The following CRABP1 variants were observed in gnomAD, a reference collection of about 807,000 sequenced individuals.
CRABP1 encodes the protein cellular retinoic acid binding protein 1.
CRABP1 carries 9 observed loss-of-function variants against 16.4 expected under a neutral mutation model. The ratio of observed to expected loss-of-function variants is 0.55; its 90% CI spans 0.33 to 0.96. The LOEUF is 0.96. Ranked by LOEUF, CRABP1 falls within the 40% of genes least tolerant of loss-of-function variation. CRABP1 has a pLI of 0.03. For synonymous variants in CRABP1, 72 were observed against 70.4 expected (o/e 1.02, Z -0.11); for missense variants, 157 against 186.0 (o/e 0.84, Z 0.91).
At chr15:78,343,706 A>T in intron 3 of CRABP1, 94 bp downstream of exon 3, 1 of 829,776 alleles carries the variant, frequency 1.2e-6, no homozygotes, top group Non-Finnish European at 1.9e-6. Flanking sequence ...TCGGCCGTTC[A>T]GAGAAAGACA....
chr15:78,341,074 A>G lies in CRABP1; in HGVS notation c.102A>G (p.Val34=), dbSNP rs1343768160. 6.2e-7 allele frequency: 1 copy of G among 1,610,504 alleles called. No individual in the cohort carries two copies. Among genetic ancestry groups the G allele is most frequent in the Non-Finnish European group, 8.5e-7 (1 of 1,179,794 alleles). Residue 34 remains valine, a synonymous_variant, in exon 2 of 4, where the codon GTA becomes GTG. Coordinates refer to ENST00000299529, the MANE Select transcript of CRABP1 (RefSeq NM_004378.3). This position sits in a 1 kb window ranked among gnomAD's most constrained non-coding sequence, Gnocchi z 5.3. ...GVNAMLRKVA[V]AAASKPHVEI... ...ACGCCATGCTGAGGAAAGTGGCCGT[A>G]GCGGCTGCGTCCAAGCCGCACGTGG...
Position 78,341,859 on chromosome 15 carries a change from T to C in CRABP1, c.249+638T>C, listed in dbSNP as rs975819474. The C allele has an allele frequency of 2.6e-5, 4 of 154,952 alleles. No individual in the cohort carries two copies. In the East Asian group the frequency reaches 7.7e-4, roughly 30 times the overall value. 9.6% of individuals were successfully genotyped at this position (154,952 alleles called of 1,614,324 possible). A position where few individuals can be genotyped will look rare whatever the true frequency, so the allele number is the denominator to read the frequency against. On this transcript the variant is annotated intron_variant, in intron 2 of 3. Coordinates refer to ENST00000299529, the MANE Select transcript of CRABP1 (RefSeq NM_004378.3). This position sits in a 1 kb window ranked among gnomAD's most constrained non-coding sequence, Gnocchi z 5.3. ...ATTTCTCCATGCATCGGCCCAGGGA[T>C]GAACCGGTGGATTGAAGCAAGGGGT...
chr15:78,340,994 G>A (rs1252033866), intron 1 of CRABP1, 49 bp from the exon 2 acceptor site: 1 of 1,567,456 alleles, frequency 6.4e-7, no homozygotes, highest in Non-Finnish European at 8.6e-7. Flanking sequence ...CCGGTCCCGA[G>A]ACTGGCGGCG....
chr15:78,343,435 T>C, intron 2 of CRABP1, 64 bp from the exon 3 acceptor site: 13 of 1,273,826 alleles, frequency 1.0e-5, no homozygotes, highest in Middle Eastern at 3.7e-4. Context: ...TCAATGCTCA[T>C]TGTTGTCCCT....
chr15:78,344,230 G>A (rs778809548), intron 3 of CRABP1, among the ~76,000 whole-genome samples: 1 of 152,154 alleles, frequency 6.6e-6, no homozygotes, highest in African/African-American at 2.4e-5. Context: ...GGGGGCCAAA[G>A]CGGGTGGATC....
chr15:78,344,278 T>C (rs1302324728), intron 3 of CRABP1, among the ~76,000 whole-genome samples: 1 of 152,086 alleles, frequency 6.6e-6, no homozygotes, highest in African/African-American at 2.4e-5. Context: ...CTGATCAATA[T>C]GGAGAAACCC....
At chr15:78,347,155 C>A (rs1442945586) in intron 3 of CRABP1, among the ~76,000 whole-genome samples, 1 of 152,110 alleles carries the variant, frequency 6.6e-6, no homozygotes, top group Non-Finnish European at 1.5e-5. Flanking sequence ...TGTCCTCCTC[C>A]ATCTGTGCAA....
Position 78,340,423 on chromosome 15 carries a change from G to C in CRABP1, c.-6G>C, listed in dbSNP as rs982780008. The C allele has an allele frequency of 6.3e-7, 1 of 1,592,048 alleles. No individual in the cohort carries two copies. The highest frequency in any genetic ancestry group is 8.5e-7 in the Non-Finnish European group (1 of 1,171,144). On this transcript the variant is annotated 5_prime_UTR_variant, in exon 1 of 4. Transcript: ENST00000299529. ...GTCCGTACCTGCCGCCGCCGCCACC[G>C]CCACCATGCCCAACTTCGCCGGCAC...
intron 3 of CRABP1, among the ~76,000 whole-genome samples, chr15:78,345,559 C>T (rs2050260749): frequency 1.3e-5 from 2 of 152,110 alleles, no homozygotes; most frequent in Admixed American, 1.3e-4. Context: ...TCAGTAGGAT[C>T]GGTTTGCTCT....
intron 2 of CRABP1, among the ~76,000 whole-genome samples, chr15:78,343,218 T>C (rs141709152): frequency 6.6e-6 from 1 of 152,192 alleles, no homozygotes; most frequent in African/African-American, 2.4e-5. Context: ...TTCCTAGAGA[T>C]GTAAAGCATG....
chr15:78,346,464 C>T (rs141837193), intron 3 of CRABP1, among the ~76,000 whole-genome samples: 2,542 of 152,098 alleles, frequency 0.017, 63 homozygotes, highest in African/African-American at 0.055. Context: ...GTCAGGAGTT[C>T]GAGACCAGCC....
At position 78,348,005 on chromosome 15, in the gene CRABP1, G is replaced by A. The variant is rs750873939; in HGVS notation, c.*28G>A. The A allele has an allele frequency of 6.2e-7, 1 of 1,611,502 alleles. No homozygotes were observed. Among genetic ancestry groups the A allele is most frequent in the Non-Finnish European group, 8.5e-7 (1 of 1,177,890 alleles). On this transcript the variant is annotated 3_prime_UTR_variant, in exon 4 of 4. Coordinates refer to ENST00000299529, the MANE Select transcript of CRABP1 (RefSeq NM_004378.3). ...GCAGCTGGCTTGCTCCTACTTTCAG[G>A]AAGGGATGCAGGCTCCCCTGAGGAA...
At chr15:78,343,743 C>G (rs1468493773) in intron 3 of CRABP1, 131 bp downstream of exon 3, 2 of 655,928 alleles carry the variant, frequency 3.0e-6, no homozygotes, top group African/African-American at 3.7e-5. Context: ...AAAATTAGAG[C>G]AGAAAACCCG....
chr15:78,342,220 G>A (rs950461131), intron 2 of CRABP1, among the ~76,000 whole-genome samples: 1 of 152,040 alleles, frequency 6.6e-6, no homozygotes, highest in South Asian at 2.1e-4. Flanking sequence ...ACGCTTGGAG[G>A]GGGTGGGATC....
chr15:78,341,249 C>G lies in CRABP1; in HGVS notation c.249+28C>G, dbSNP rs1386987181. 1 of 1,591,018 alleles carries G rather than the reference C, an allele frequency of 6.3e-7. No individual in the cohort carries two copies. The highest frequency in any genetic ancestry group is 8.6e-7 in the Non-Finnish European group (1 of 1,169,108). On this transcript the variant is annotated intron_variant, in intron 2 of 3. Coordinates refer to ENST00000299529, the MANE Select transcript of CRABP1 (RefSeq NM_004378.3). This position sits in a 1 kb window ranked among gnomAD's most constrained non-coding sequence, Gnocchi z 5.3. ...GAGGCCCCAGAGCCACTACAGCGTC[C>G]CCGTGTCCCCGCTCGGTGCCCATGG...
At chr15:78,347,695 C>T in intron 3 of CRABP1, 1 of 440,064 alleles carries the variant, frequency 2.3e-6, no homozygotes, top group South Asian at 4.1e-5. Context: ...GTTCCATAAG[C>T]AAAGGAAAAT....
intron 3 of CRABP1, among the ~76,000 whole-genome samples, chr15:78,345,015 A>G (rs2050257780): frequency 6.6e-6 from 1 of 152,094 alleles, no homozygotes; most frequent in East Asian, 1.9e-4. Context: ...TTGGGTAACC[A>G]GGAAATTATA....
At chr15:78,343,672 G>GC (rs2050248502) in intron 3 of CRABP1, 60 bp downstream of exon 3, 1 of 1,323,138 alleles carries the variant, frequency 7.6e-7, no homozygotes, top group Admixed American at 1.9e-5. Flanking sequence ...CCCCAGATGG[G>GC]CCCCACAAAT....
At chr15:78,340,830 C>A in intron 1 of CRABP1, 1 of 621,464 alleles carries the variant, frequency 1.6e-6, no homozygotes, top group Non-Finnish European at 2.8e-6. Context: ...AATTTGGGAC[C>A]AGGCTCTGCC....
Sources: allele counts gnomAD v4.1 joint callset (sites outside exome capture counted in the v4.1 genomes callset), GRCh38; gene constraint gnomAD v4.1.1; non-coding constraint Gnocchi (gnomAD v3.1); transcripts MANE v1.5; gene names NCBI Gene and HGNC (gene_info 2026-07-23, HGNC 2026-07-21).